CADPS2: variants seen among roughly 807,000 people sequenced by gnomAD.
CADPS2 encodes calcium dependent secretion activator 2.
Under a neutral mutation model 172.5 loss-of-function variants are expected in CADPS2, and 93 were observed. The observed-to-expected ratio is 0.54, with a 90% confidence interval of 0.46 to 0.64. The LOEUF (loss-of-function observed/expected upper bound fraction) is 0.64, where lower values mean the gene tolerates loss of function less well. CADPS2 is among the 30% of genes least tolerant of loss of function. CADPS2 has a pLI of 0.00. For missense variants in CADPS2, 1,420 were observed against 1,565.9 expected, an observed-to-expected ratio of 0.91 and a Z score of 1.57; for synonymous variants, 546 against 555.2, an observed-to-expected ratio of 0.98 and a Z score of 0.23.
chr7:122,521,261 A>G (rs2060765688), intron 8 of CADPS2, among the ~76,000 whole-genome samples: 1 of 152,064 alleles, frequency 6.6e-6, no homozygotes, highest in Non-Finnish European at 1.5e-5. Context: ...TTCATTCTCA[A>G]ACACCTTTCA....
chr7:122,664,862 G>A (rs1351852301), intron 2 of CADPS2, among the ~76,000 whole-genome samples: 1 of 151,920 alleles, frequency 6.6e-6, no homozygotes, highest in Non-Finnish European at 1.5e-5. Flanking sequence ...ACAGCTCACT[G>A]CAGCCTTGAC....
rs543898122 is a variant in CADPS2 at position 122,425,532 on chromosome 7, G to C, written c.2477-9368C>G. On this transcript the variant is annotated intron_variant, in intron 17 of 29. Coordinates refer to ENST00000449022, the MANE Select transcript of CADPS2 (RefSeq NM_017954.11). The stretch of plus-strand genomic sequence containing the variant: ...GTGGAGGATCGTTTGAGCCCACCTG[G>C]GAGGCAGAGGCTACGGTGAGCTGTG... Among the ~76,000 whole-genome samples the C allele has an allele frequency of 1.8e-3, 277 of 152,084 alleles. 3 individuals carry two copies. The highest frequency in any genetic ancestry group is 6.2e-3 in the African/African-American group (259 of 41,494).
chr7:122,517,608 T>C (rs2060475475), intron 8 of CADPS2, among the ~76,000 whole-genome samples: 1 of 152,088 alleles, frequency 6.6e-6, no homozygotes, highest in South Asian at 2.1e-4. Context: ...TGACTATAAA[T>C]ATGTATTTCT....
chr7:122,600,986 T>C (rs2133469757), intron 6 of CADPS2, among the ~76,000 whole-genome samples: 1 of 152,234 alleles, frequency 6.6e-6, no homozygotes, highest in Non-Finnish European at 1.5e-5. Flanking sequence ...ACAAAAATAA[T>C]GCACCACTTT....
chr7:122,864,309 C>G (rs1817729711), intron 1 of CADPS2, among the ~76,000 whole-genome samples: 1 of 151,648 alleles, frequency 6.6e-6, no homozygotes, highest in African/African-American at 2.4e-5. Flanking sequence ...TGTCATACAC[C>G]AAAAATACAA....
intron 8 of CADPS2, among the ~76,000 whole-genome samples, chr7:122,518,739 C>G (rs997220017): frequency 2.3e-4 from 34 of 150,772 alleles, no homozygotes; most frequent in African/African-American, 8.1e-4. Flanking sequence ...TGCCAAATAC[C>G]AGTCAAACTG....
At chr7:122,551,669 C>T (rs555303731) in intron 8 of CADPS2, among the ~76,000 whole-genome samples, 1 of 152,050 alleles carries the variant, frequency 6.6e-6, no homozygotes, top group Middle Eastern at 3.2e-3. Context: ...ATCCACCTAA[C>T]AACTCTATCT....
chr7:122,740,966 A>T lies in CADPS2; in HGVS notation c.340-3898T>A, dbSNP rs145663581. ...TTTAAAGGTACATATCCTTGGAATCAGCAATTCCACTTTGAGATTGGATCA... is the reference window on the plus strand; with the variant it reads ...TTTAAAGGTACATATCCTTGGAATCTGCAATTCCACTTTGAGATTGGATCA... On this transcript the variant is annotated intron_variant, in intron 1 of 29. Coordinates refer to ENST00000449022, the MANE Select transcript of CADPS2 (RefSeq NM_017954.11). 4.5e-3 allele frequency among the ~76,000 whole-genome samples: 689 copies of T among 152,312 alleles called. 5 individuals are homozygous for T. Among genetic ancestry groups the T allele is most frequent in the Middle Eastern group, 0.01 (3 of 294 alleles).
intron 1 of CADPS2, among the ~76,000 whole-genome samples, chr7:122,885,521 G>A (rs1284272230): frequency 6.6e-6 from 1 of 151,990 alleles, no homozygotes; most frequent in Non-Finnish European, 1.5e-5. Flanking sequence ...CCCCTCTTAA[G>A]TGAAGACTTC....
rs2043763984 is a variant in CADPS2 at position 122,386,949 on chromosome 7, G to C, written c.3312+77C>G. Reference sequence around the variant, plus strand: ...CTTGGTCTTTTCAATCCAATCAAGAGAATGCCTTGTGGAAAGGGCATTTCC... The same window carrying C: ...CTTGGTCTTTTCAATCCAATCAAGACAATGCCTTGTGGAAAGGGCATTTCC... On this transcript the variant is annotated intron_variant, in intron 24 of 29. Coordinates refer to ENST00000449022, the MANE Select transcript of CADPS2 (RefSeq NM_017954.11). 17 of 1,439,594 alleles carry C rather than the reference G, an allele frequency of 1.2e-5. No individual in the cohort carries two copies. The South Asian group carries it at 2.3e-4, about 19-fold the overall frequency. 89.2% of individuals were successfully genotyped at this position (1,439,594 alleles called of 1,614,324 possible).
intron 12 of CADPS2, among the ~76,000 whole-genome samples, chr7:122,476,986 G>A (rs980430061): frequency 2.9e-5 from 3 of 103,226 alleles, no homozygotes; most frequent in African/African-American, 7.3e-5. Context: ...GAAGGGGGGC[G>A]GGAGGGGAGG....
intron 1 of CADPS2, among the ~76,000 whole-genome samples, chr7:122,803,563 A>C (rs973092892): frequency 4.6e-5 from 7 of 152,206 alleles, no homozygotes; most frequent in African/African-American, 1.4e-4. Context: ...GGAAACTTTC[A>C]CCACTAGATG....
chr7:122,611,599 C>T (rs1233943753), intron 6 of CADPS2, among the ~76,000 whole-genome samples: 8 of 151,892 alleles, frequency 5.3e-5, no homozygotes, highest in Admixed American at 4.6e-4. Context: ...AGAATTACTA[C>T]CAAAGAAAAG....
At chr7:122,520,992 TC>T (rs1343407737) in intron 8 of CADPS2, among the ~76,000 whole-genome samples, 1 of 152,120 alleles carries the variant, frequency 6.6e-6, no homozygotes, top group Non-Finnish European at 1.5e-5. Flanking sequence ...AGCGCTTTAT[TC>T]AAAGAAATGC....
intron 9 of CADPS2, among the ~76,000 whole-genome samples, chr7:122,500,905 C>T (rs369205831): frequency 6.6e-6 from 1 of 151,874 alleles, no homozygotes; most frequent in African/African-American, 2.4e-5. Flanking sequence ...GAAAACTAGT[C>T]AGGAAAAAGT....
At chr7:122,632,077 T>C (rs1309185332) in intron 3 of CADPS2, among the ~76,000 whole-genome samples, 1 of 152,182 alleles carries the variant, frequency 6.6e-6, no homozygotes, top group Non-Finnish European at 1.5e-5. Context: ...TATGTATATA[T>C]AAAATATTTT....
intron 25 of CADPS2, chr7:122,366,730 TATA>T (rs1311483144): frequency 4.0e-5 from 6 of 149,936 alleles, no homozygotes; most frequent in Admixed American, 6.7e-5. Context: ...CACATATATG[TATA>T]ATAACACAAT....
rs191200105 is a variant in CADPS2 at position 122,520,288 on chromosome 7, C to T, written c.1476-6973G>A. Among the ~76,000 whole-genome samples the T allele has an allele frequency of 7.6e-4, 115 of 151,072 alleles. 1 individual carries two copies. The highest frequency in any genetic ancestry group is 2.6e-3 in the African/African-American group (107 of 41,318). On this transcript the variant is annotated intron_variant, in intron 8 of 29. Transcript: ENST00000449022. ...AAGCATTAACGCTGCAATGCTTATA[C>T]GACAAAACTATTTTAAAATGCTTGT...
At chr7:122,670,461 C>T (rs959754304) in intron 2 of CADPS2, among the ~76,000 whole-genome samples, 4 of 149,098 alleles carry the variant, frequency 2.7e-5, no homozygotes, top group African/African-American at 9.8e-5. Flanking sequence ...GTCCCAGCCA[C>T]TCGGGAGGCC....
Sources: allele counts gnomAD v4.1 joint callset (sites outside exome capture counted in the v4.1 genomes callset), GRCh38; gene constraint gnomAD v4.1.1; transcripts MANE v1.5; gene names NCBI Gene and HGNC (gene_info 2026-07-23, HGNC 2026-07-21).